Variants in MIOS observed in about 807,000 individuals in gnomAD.
The protein encoded by MIOS is meiosis regulator for oocyte development.
In MIOS, 52 loss-of-function variants were observed where a neutral mutation model predicts 96.9. The observed-to-expected ratio is 0.54, with a 90% CI of 0.43 to 0.68. MIOS has a LOEUF of 0.68. MIOS is among the 30% of genes least tolerant of loss of function. The probability of loss-of-function intolerance (pLI) is 0.00; values close to 1 mark genes in which losing one functional copy is unlikely to be tolerated. For missense variants in MIOS, 1,005 were observed against 1,052.8 expected (o/e 0.95, Z 0.63); for synonymous variants, 397 against 359.5 (o/e 1.10, Z -1.18).
chr7:7,597,517 T>TAAAAAAAA lies in MIOS; in HGVS notation c.2401+1056_2401+1057insAAAAAAAA, dbSNP rs372634070. Among the ~76,000 whole-genome samples the TAAAAAAAA allele has an allele frequency of 1.4e-4, 10 of 70,442 alleles. 2 individuals carry two copies. In the East Asian group the frequency reaches 2.2e-3, roughly 15 times the overall value. 46.2% of individuals were successfully genotyped at this position (70,442 alleles called of 152,430 possible). A position where few individuals can be genotyped will look rare whatever the true frequency, so the allele number is the denominator to read the frequency against. ...ATATATATATATATATATATATATA[T>TAAAAAAAA]GAAGGCAATACGTAATGTTTTAAAT... On this transcript the variant is annotated intron_variant, in intron 11 of 12. Transcript: ENST00000340080.
rs185041392 is a variant in MIOS, at chr7:7,573,480, A to G, written c.1005A>G (p.Gln335=). 86 of 1,614,160 alleles carry G rather than the reference A, an allele frequency of 5.3e-5. 1 individual carries two copies. The East Asian group carries it at 1.9e-3, about 36-fold the overall frequency. Residue 335 remains glutamine (Q), a synonymous_variant, in exon 4 of 13, where the codon CAA becomes CAG. Coordinates refer to ENST00000340080, the MANE Select transcript of MIOS (RefSeq NM_019005.4). This position sits in a 1 kb window ranked among gnomAD's most constrained non-coding sequence, Gnocchi z 5.0. The stretch of plus-strand genomic sequence containing the variant: ...CCTTTGCGTGGCATCCAACAAGTCA[A>G]AATCGAATGATAGTTGTAACTCCCA... ...IASFAWHPTS[Q]NRMIVVTPNR...
chr7:7,590,993 A>G (rs758912898), intron 9 of MIOS, among the ~76,000 whole-genome samples: 4 of 152,114 alleles, frequency 2.6e-5, no homozygotes, highest in Non-Finnish European at 5.9e-5. Context: ...TCCAACTTAC[A>G]GTGTTTTTTT....
At chr7:7,582,208 A>T (rs897840897) in intron 5 of MIOS, among the ~76,000 whole-genome samples, 1 of 152,206 alleles carries the variant, frequency 6.6e-6, no homozygotes, top group African/African-American at 2.4e-5. Context: ...TACAAAAAAT[A>T]AAAAGTTGGT....
chr7:7,597,508 ATATATATAT>A lies in MIOS; in HGVS notation c.2401+1048_2401+1056del, dbSNP rs1429393257. Among the ~76,000 whole-genome samples the A allele has an allele frequency of 4.1e-3, 247 of 59,674 alleles. 23 individuals are homozygous for A. The highest frequency in any genetic ancestry group is 0.017 in the African/African-American group (237 of 14,180). 39.1% of individuals were successfully genotyped at this position (59,674 alleles called of 152,430 possible). On this transcript the variant is annotated intron_variant, in intron 11 of 12. Coordinates refer to ENST00000340080, the MANE Select transcript of MIOS (RefSeq NM_019005.4). Reference sequence around the variant, plus strand: ...TATATATATATATATATATATATATATATATATATGAAGGCAATACGTAATGTTTTAAAT... The same window carrying A: ...TATATATATATATATATATATATATAGAAGGCAATACGTAATGTTTTAAAT...
chr7:7,582,995 A>C (rs1042080284), intron 5 of MIOS, 123 bp from the exon 6 acceptor site: 3 of 1,105,650 alleles, frequency 2.7e-6, no homozygotes, highest in Non-Finnish European at 3.8e-6. Flanking sequence ...TATTTACACT[A>C]TCATAAAATT....
At chr7:7,578,328 A>C (rs2115379935) in intron 5 of MIOS, among the ~76,000 whole-genome samples, 1 of 152,328 alleles carries the variant, frequency 6.6e-6, no homozygotes, top group South Asian at 2.1e-4. Flanking sequence ...GATGGCAGAA[A>C]GTTGTATAAA....
chr7:7,600,715 A>AC (rs1416351878), intron 11 of MIOS, among the ~76,000 whole-genome samples: 1 of 152,176 alleles, frequency 6.6e-6, no homozygotes, highest in African/African-American at 2.4e-5. Flanking sequence ...CACCAAGCGG[A>AC]CCTAATAGAC....
At chr7:7,570,152 G>C (rs1372550633) in intron 3 of MIOS, among the ~76,000 whole-genome samples, 2 of 152,210 alleles carry the variant, frequency 1.3e-5, no homozygotes, top group African/African-American at 2.4e-5. Context: ...CCACACACCA[G>C]ATATGTTGTA....
At position 7,596,446 on chromosome 7, in the gene MIOS, G is replaced by C. The variant is rs182567382; in HGVS notation, c.2386G>C (p.Val796Leu). 6.2e-7 allele frequency: 1 copy of C among 1,613,796 alleles called. No homozygotes were observed. The highest frequency in any genetic ancestry group is 2.2e-5 in the East Asian group (1 of 44,876). Residue 796 changes from valine to leucine, a missense_variant, in exon 11 of 13, where the codon GTT (valine) becomes CTT (leucine). Physicochemically the swap from Val to Leu is conservative, Grantham distance 32 (BLOSUM62 1). This residue lies in a region of MIOS where 865 missense variants were observed against 887.9 expected (regional missense o/e 0.97). Transcript: ENST00000340080. ...ALCLINMGTP[V>L]SSCPGGTKSD... ...TTGTCTCATTAATATGGGAACACCAGTTTCTAGCTGTCCTGGTATGACATA... is the reference window on the plus strand; with the variant it reads ...TTGTCTCATTAATATGGGAACACCACTTTCTAGCTGTCCTGGTATGACATA...
chr7:7,600,968 C>T (rs544403747), intron 11 of MIOS, among the ~76,000 whole-genome samples: 5 of 152,270 alleles, frequency 3.3e-5, no homozygotes, highest in African/African-American at 9.6e-5. Flanking sequence ...TGAATGACTA[C>T]TGGGTACATA....
chr7:7,604,339 A>G (rs1040569985), intron 11 of MIOS, among the ~76,000 whole-genome samples: 9 of 152,174 alleles, frequency 5.9e-5, no homozygotes, highest in Non-Finnish European at 8.8e-5. Context: ...TGGAATTTCT[A>G]TAAGCTTATT....
chr7:7,572,458 T>C lies in MIOS; in HGVS notation c.-18T>C. The C allele has an allele frequency of 3.1e-6, 5 of 1,588,152 alleles. No homozygotes were observed. Among genetic ancestry groups the C allele is most frequent in the Non-Finnish European group, 4.3e-6 (5 of 1,162,090 alleles). ...CAGTGAATGGACCTGAGTGGACCCT[T>C]TGATCACATCAGTAAACATGAGCGG... On this transcript the variant is annotated 5_prime_UTR_variant, in exon 4 of 13. Coordinates refer to ENST00000340080, the MANE Select transcript of MIOS (RefSeq NM_019005.4). The surrounding 1 kb of genome is among the most constrained non-coding windows in gnomAD (Gnocchi z 4.8).
intron 3 of MIOS, among the ~76,000 whole-genome samples, chr7:7,568,930 T>C (rs1297177762): frequency 6.6e-6 from 1 of 152,224 alleles, no homozygotes; most frequent in African/African-American, 2.4e-5. Context: ...CCGTTGAGAG[T>C]CATGTAAATC....
intron 5 of MIOS, 27 bp downstream of exon 5, chr7:7,574,223 C>A: frequency 1.3e-6 from 2 of 1,503,552 alleles, no homozygotes; most frequent in South Asian, 1.2e-5. Context: ...TCATTTTCTC[C>A]AATATGTTTA....
At chr7:7,585,122 T>C (rs1783844734) in intron 6 of MIOS, among the ~76,000 whole-genome samples, 1 of 152,196 alleles carries the variant, frequency 6.6e-6, no homozygotes, top group South Asian at 2.1e-4. Flanking sequence ...AGATGCAATA[T>C]TTACTATAAG....
rs199863060 is a variant in MIOS at position 7,573,446 on chromosome 7, A to C, written c.971A>C (p.Tyr324Ser). The C allele has an allele frequency of 1.9e-5, 30 of 1,614,070 alleles. No homozygotes were observed. The South Asian group carries it at 3.1e-4, about 17-fold the overall frequency. ...AGAAGTGTGCAACCTTGTGACAATT[A>C]CATTGCTTCCTTTGCGTGGCATCCA... ...IERSVQPCDNYIASFAWHPTS... is the reference protein window; with the variant it reads ...IERSVQPCDNSIASFAWHPTS... The change falls in exon 4 of 13, where the codon TAC (tyrosine) becomes TCC (serine). Residue 324 changes from tyrosine (Y) to serine (S), a missense_variant. Around this residue, in one of 3 missense-constraint regions of MIOS, gnomAD observed 865 missense variants for 887.9 expected, o/e 0.97. Transcript: ENST00000340080. This position sits in a 1 kb window ranked among gnomAD's most constrained non-coding sequence, Gnocchi z 5.0.
chr7:7,582,883 G>T (rs566822158), intron 5 of MIOS: 15 of 447,938 alleles, frequency 3.3e-5, no homozygotes, highest in African/African-American at 2.8e-4. Context: ...ACTCAGTTTA[G>T]TCCATCTGAG....
chr7:7,582,989 T>C, intron 5 of MIOS, 129 bp from the exon 6 acceptor site: 1 of 1,063,532 alleles, frequency 9.4e-7, no homozygotes, highest in Non-Finnish European at 1.3e-6. Flanking sequence ...AGTTCATATT[T>C]ACACTATCAT....
At chr7:7,581,800 T>A (rs1783735245) in intron 5 of MIOS, 2 of 152,220 alleles carry the variant, frequency 1.3e-5, no homozygotes, top group African/African-American at 4.8e-5. Context: ...TCCTGCTGCT[T>A]CTCTCTTACC....
Sources: gnomAD v4.1 joint callset for allele counts (sites outside exome capture counted in the v4.1 genomes callset) on GRCh38, gnomAD v4.1.1 for gene constraint, gnomAD v4.1.1 regional missense constraint, Gnocchi (gnomAD v3.1) non-coding constraint, MANE v1.5 for transcripts, NCBI Gene and HGNC (gene_info 2026-07-23, HGNC 2026-07-21) for gene names.